The following CLNK variants were observed in gnomAD, a reference collection of about 807,000 sequenced individuals.
The protein encoded by CLNK is cytokine dependent hematopoietic cell linker.
CLNK carries 74 observed loss-of-function variants against 68.6 expected under a neutral mutation model. The ratio of observed to expected loss-of-function variants is 1.08; its 90% CI spans 0.89 to 1.31. The LOEUF (loss-of-function observed/expected upper bound fraction) is 1.31, where lower values mean the gene tolerates loss of function less well. CLNK is among the 50% of genes most tolerant of loss of function. CLNK has a pLI of 0.00. For synonymous variants in CLNK, 198 were observed against 172.2 expected (o/e 1.15, Z -1.17); for missense variants, 553 against 515.3 (o/e 1.07, Z -0.71).
intron 14 of CLNK, 118 bp from the exon 15 acceptor site, chr4:10,520,949 ATTTT>A: frequency 5.6e-6 from 4 of 719,424 alleles, no homozygotes; most frequent in Non-Finnish European, 9.8e-6. Flanking sequence ...AGCACTTTAT[ATTTT>A]ACTGGATATG....
chr4:10,605,003 C>T (rs1207148547), intron 2 of CLNK, among the ~76,000 whole-genome samples: 1 of 152,140 alleles, frequency 6.6e-6, no homozygotes, highest in Non-Finnish European at 1.5e-5. Flanking sequence ...CAGCTGAAGG[C>T]CTTAATAACA....
At chr4:10,548,703 T>C (rs2108812875) in intron 8 of CLNK, among the ~76,000 whole-genome samples, 1 of 152,342 alleles carries the variant, frequency 6.6e-6, no homozygotes, top group Non-Finnish European at 1.5e-5. Context: ...AACGTGGTCC[T>C]GCCCTGTGCA....
intron 1 of CLNK, among the ~76,000 whole-genome samples, chr4:10,680,301 G>A (rs1560276982): frequency 6.7e-6 from 1 of 149,126 alleles, no homozygotes; most frequent in Admixed American, 6.8e-5. Flanking sequence ...CTCACTCATA[G>A]GTGGGAATTG....
the CLNK span, among the ~76,000 whole-genome samples, chr4:10,700,198 A>C: frequency 6.6e-6 from 1 of 152,194 alleles, no homozygotes; most frequent in African/African-American, 2.4e-5. Context: ...GGGGTAAAGA[A>C]ACTGAGAATT....
At chr4:10,702,843 T>C in the CLNK span, among the ~76,000 whole-genome samples, 14 of 152,108 alleles carry the variant, frequency 9.2e-5, no homozygotes, top group African/African-American at 3.4e-4. Flanking sequence ...TGGACCCCCA[T>C]TGAGATAAGA....
chr4:10,541,222 CA>C (rs200738466), intron 10 of CLNK, among the ~76,000 whole-genome samples: 8,964 of 38,432 alleles, frequency 0.23, 746 homozygotes, highest in African/African-American at 0.37. Context: ...AAAAAAAAAA[CA>C]AAAAAAAAAA....
At chr4:10,495,329 G>A (rs760065774) in intron 18 of CLNK, among the ~76,000 whole-genome samples, 4 of 152,188 alleles carry the variant, frequency 2.6e-5, no homozygotes, top group African/African-American at 7.2e-5. Context: ...AGCTCCGCAG[G>A]TTGTTTAAGG....
chr4:10,509,489 C>T (rs1181785912), intron 16 of CLNK, among the ~76,000 whole-genome samples: 1 of 151,514 alleles, frequency 6.6e-6, no homozygotes, highest in African/African-American at 2.4e-5. Context: ...CCAGCTCAGG[C>T]ATTCTTTTGC....
At chr4:10,537,761 C>G (rs60049429) in intron 11 of CLNK, among the ~76,000 whole-genome samples, 6,764 of 129,716 alleles carry the variant, frequency 0.052, 354 homozygotes, top group East Asian at 0.18. Flanking sequence ...TTCTTTCTTT[C>G]TCTCTCTCTT....
intron 2 of CLNK, among the ~76,000 whole-genome samples, chr4:10,646,943 G>T (rs1254269150): frequency 6.6e-6 from 1 of 152,174 alleles, no homozygotes; most frequent in East Asian, 1.9e-4. Flanking sequence ...GAAGAAATAT[G>T]TGTTCAAGAC....
Position 10,562,101 on chromosome 4 carries a change from CTT to C in CLNK, c.399+2568_399+2569del, listed in dbSNP as rs11345903. Reference sequence around the variant, plus strand: ...GATTCATTTCTTTTCTTTTTCTTTTCTTTTTTTTTTTTTTTTTGAGACAGGGT... The same window carrying C: ...GATTCATTTCTTTTCTTTTTCTTTTCTTTTTTTTTTTTTTTGAGACAGGGT... On this transcript the variant is annotated intron_variant, in intron 7 of 18. Transcript: ENST00000226951. Among the ~76,000 whole-genome samples, 944 of 129,246 alleles carry C rather than the reference CTT, an allele frequency of 7.3e-3. 15 individuals are homozygous for C. The highest frequency in any genetic ancestry group is 0.057 in the East Asian group (249 of 4,400). 84.8% of individuals were successfully genotyped at this position (129,246 alleles called of 152,430 possible). A position where few individuals can be genotyped will look rare whatever the true frequency, so the allele number is the denominator to read the frequency against.
intron 3 of CLNK, among the ~76,000 whole-genome samples, chr4:10,585,486 C>G (rs1024860743): frequency 6.6e-6 from 1 of 152,246 alleles, no homozygotes; most frequent in South Asian, 2.1e-4. Flanking sequence ...TACCTCACTT[C>G]CATTTTCTAT....
chr4:10,612,772 A>G (rs1374283445), intron 2 of CLNK, among the ~76,000 whole-genome samples: 2 of 152,220 alleles, frequency 1.3e-5, no homozygotes, highest in Admixed American at 6.5e-5. Context: ...AAGATAATCA[A>G]ACCCAGGAAG....
chr4:10,601,906 G>C (rs2531180), intron 2 of CLNK, among the ~76,000 whole-genome samples: 144,135 of 152,314 alleles, frequency 0.95, 68,439 homozygotes, highest in East Asian at 1. Flanking sequence ...ACAAAGAACT[G>C]AGCACATCCT....
chr4:10,717,588 T>G, the CLNK span, among the ~76,000 whole-genome samples: 3 of 151,812 alleles, frequency 2.0e-5, no homozygotes, highest in African/African-American at 7.3e-5. Context: ...AGGGCGAGAC[T>G]CCAAAAAACA....
intron 1 of CLNK, 71 bp from the exon 2 acceptor site, chr4:10,667,982 G>A (rs1452304632): frequency 7.7e-6 from 6 of 776,516 alleles, no homozygotes; most frequent in Non-Finnish European, 1.2e-5. Flanking sequence ...ACAAGCCACT[G>A]TTGCTGCTTG....
chr4:10,599,791 T>A (rs1373450185), intron 2 of CLNK, among the ~76,000 whole-genome samples: 1 of 152,144 alleles, frequency 6.6e-6, no homozygotes, highest in Non-Finnish European at 1.5e-5. Context: ...CTCTGTCTCT[T>A]CTTTGTCGTG....
chr4:10,646,078 CA>C (rs1230077124), intron 2 of CLNK, among the ~76,000 whole-genome samples: 5 of 152,036 alleles, frequency 3.3e-5, no homozygotes, highest in African/African-American at 7.2e-5. Context: ...GAAATAACAC[CA>C]AAATGTTAAC....
rs115436299 is a variant in CLNK at position 10,631,910 on chromosome 4, T to C, written c.12-33861A>G. Among the ~76,000 whole-genome samples, 719 of 152,290 alleles carry C rather than the reference T, an allele frequency of 4.7e-3. 10 individuals are homozygous for C. The highest frequency in any genetic ancestry group is 0.016 in the African/African-American group (679 of 41,564). On this transcript the variant is annotated intron_variant, in intron 2 of 18. Transcript: ENST00000226951. ...GGTAAGGATTCAAATATGTCTTTTT[T>C]TGAGGTCTGTCTTTTTATTTAAACA...
Sources: gnomAD v4.1 joint callset for allele counts (sites outside exome capture counted in the v4.1 genomes callset) on GRCh38, gnomAD v4.1.1 for gene constraint, MANE v1.5 for transcripts, NCBI Gene and HGNC (gene_info 2026-07-23, HGNC 2026-07-21) for gene names.